Variants in ZNG1E observed in about 807,000 individuals in gnomAD.
ZNG1E encodes zinc-regulated GTPase metalloprotein activator 1E.
the ZNG1E span, among the ~76,000 whole-genome samples, chr9:65,672,275 T>C: frequency 0.05 from 7,187 of 143,706 alleles, 4 homozygotes; most frequent in African/African-American, 0.067. Context: ...ATTGTTGTTG[T>C]TGTTGTTTTA....
At chr9:65,719,943 C>T in the ZNG1E span, 1 of 1,458,526 alleles carries the variant, frequency 6.9e-7, no homozygotes, top group Non-Finnish European at 9.3e-7. Flanking sequence ...TTAGAATAGT[C>T]AGTTATGGAA....
the ZNG1E span, chr9:65,675,687 G>C: frequency 3.4e-6 from 2 of 596,602 alleles, no homozygotes. Context: ...CTTCAGACAG[G>C]TGGTTAGTGC....
chr9:65,694,030 T>C, the ZNG1E span, among the ~76,000 whole-genome samples: 1 of 149,702 alleles, frequency 6.7e-6, no homozygotes, highest in African/African-American at 2.4e-5. Context: ...ACTCCTTTTT[T>C]AGAGTTTAAA....
At chr9:65,684,560 A>G in the ZNG1E span, among the ~76,000 whole-genome samples, 552 of 146,356 alleles carry the variant, frequency 3.8e-3, no homozygotes, top group African/African-American at 0.013. Flanking sequence ...GCACACACAC[A>G]CACACACACA....
chr9:65,686,921 T>C, the ZNG1E span, among the ~76,000 whole-genome samples: 6 of 152,336 alleles, frequency 3.9e-5, no homozygotes, highest in African/African-American at 4.8e-5. Flanking sequence ...TAAGGGAACA[T>C]TGTGGCTTGT....
the ZNG1E span, among the ~76,000 whole-genome samples, chr9:65,720,887 C>A: frequency 1.4e-5 from 2 of 143,800 alleles, no homozygotes; most frequent in Admixed American, 7.1e-5. Context: ...CCCTGTGAAA[C>A]TTTTGTTAAT....
At chr9:65,691,083 T>A in the ZNG1E span, 2 of 1,591,278 alleles carry the variant, frequency 1.3e-6, no homozygotes, top group Non-Finnish European at 1.7e-6. Flanking sequence ...TTTTTGTTTT[T>A]TTTTTTCTGA....
the ZNG1E span, among the ~76,000 whole-genome samples, chr9:65,660,404 A>C: frequency 2.0e-5 from 3 of 150,074 alleles, no homozygotes; most frequent in African/African-American, 4.9e-5. Flanking sequence ...GTTGAGTAGG[A>C]ATGAAAAAAG....
the ZNG1E span, among the ~76,000 whole-genome samples, chr9:65,678,239 A>G: frequency 6.9e-6 from 1 of 144,556 alleles, no homozygotes; most frequent in East Asian, 2.0e-4. Context: ...TCAGGCTTGG[A>G]CTGGTTTTAA....
At chr9:65,699,087 TA>T in the ZNG1E span, among the ~76,000 whole-genome samples, 16 of 148,456 alleles carry the variant, frequency 1.1e-4, no homozygotes, top group East Asian at 2.0e-4. Context: ...TATTTTATTT[TA>T]TTTTATTTTT....
the ZNG1E span, among the ~76,000 whole-genome samples, chr9:65,687,201 T>G: frequency 7.2e-6 from 1 of 139,036 alleles, no homozygotes; most frequent in Non-Finnish European, 1.5e-5. Flanking sequence ...TTGTAGGATA[T>G]TAATTGGCCT....
chr9:65,659,117 C>T, the ZNG1E span, among the ~76,000 whole-genome samples: 2 of 152,234 alleles, frequency 1.3e-5, no homozygotes, highest in African/African-American at 4.8e-5. Flanking sequence ...AGTACTCATA[C>T]CCAAGAGTCA....
At chr9:65,681,381 T>C in the ZNG1E span, among the ~76,000 whole-genome samples, 1 of 152,268 alleles carries the variant, frequency 6.6e-6, no homozygotes, top group African/African-American at 2.4e-5. Context: ...AGGGCTTAAG[T>C]CATCTTAAAT....
chr9:65,732,957 G>C, the ZNG1E span: 1 of 1,608,336 alleles, frequency 6.2e-7, no homozygotes, highest in Non-Finnish European at 8.5e-7. Context: ...TTTGAACTGA[G>C]GCTGATCAAT....
the ZNG1E span, among the ~76,000 whole-genome samples, chr9:65,665,361 C>T: frequency 6.6e-6 from 1 of 152,266 alleles, no homozygotes; most frequent in African/African-American, 2.4e-5. Flanking sequence ...AAGTACAGCT[C>T]TGTCTGTTGC....
the ZNG1E span, among the ~76,000 whole-genome samples, chr9:65,714,721 G>T: frequency 1.3e-5 from 2 of 151,282 alleles, no homozygotes; most frequent in African/African-American, 2.4e-5. Context: ...GGGGTCAGGG[G>T]TCAGGGACCC....
the ZNG1E span, among the ~76,000 whole-genome samples, chr9:65,711,204 G>A: frequency 7.0e-5 from 7 of 100,370 alleles, no homozygotes; most frequent in African/African-American, 1.6e-4. Context: ...CATTGATTTT[G>A]TATCCTGAGA....
chr9:65,659,494 C>CA, the ZNG1E span, among the ~76,000 whole-genome samples: 3,451 of 113,344 alleles, frequency 0.03, 68 homozygotes, highest in African/African-American at 0.059. Context: ...GACTCCGTCT[C>CA]AAAAAAAAAA....
chr9:65,681,855 G>A, the ZNG1E span: 3 of 1,499,574 alleles, frequency 2.0e-6, no homozygotes, highest in South Asian at 2.7e-5. Context: ...TTTTCTATCT[G>A]CTCTAATGTT....
Sources: gnomAD v4.1 joint callset for allele counts (sites outside exome capture counted in the v4.1 genomes callset) on GRCh38, gnomAD v4.1.1 for gene constraint, MANE v1.5 for transcripts, NCBI Gene and HGNC (gene_info 2026-07-23, HGNC 2026-07-21) for gene names.